The following PCDH15 variants were observed in gnomAD, a reference collection of about 807,000 sequenced individuals.
The protein encoded by PCDH15 is protocadherin-15.
A neutral mutation model predicts 178.5 loss-of-function variants in PCDH15; 129 were observed. That is an observed-to-expected ratio of 0.72 (90% CI 0.63 to 0.84). The LOEUF is 0.84. Among genes scored for constraint, PCDH15 ranks in the 40% least tolerant of loss-of-function variants. PCDH15 has a pLI of 0.00. For synonymous variants in PCDH15, 800 were observed against 732.0 expected, an observed-to-expected ratio of 1.09 and a Z score of -1.50; for missense variants, 2,230 against 2,099.9, an observed-to-expected ratio of 1.06 and a Z score of -1.21.
intron 26 of PCDH15, among the ~76,000 whole-genome samples, chr10:53,869,294 T>A (rs1283888682): frequency 6.6e-6 from 1 of 152,162 alleles, no homozygotes; most frequent in African/African-American, 2.4e-5. Flanking sequence ...AGTATCAAAA[T>A]TTTTTGTACT....
At chr10:54,830,249 A>T (rs1953200579) in intron 3 of PCDH15, among the ~76,000 whole-genome samples, 1 of 152,148 alleles carries the variant, frequency 6.6e-6, no homozygotes, top group African/African-American at 2.4e-5. Context: ...TACCTAAAGG[A>T]TTATAAATCA....
At chr10:55,546,602 C>T (rs908098376) in intron 2 of PCDH15, among the ~76,000 whole-genome samples, 1 of 152,046 alleles carries the variant, frequency 6.6e-6, no homozygotes, top group Non-Finnish European at 1.5e-5. Context: ...AGCAAATAGA[C>T]GATCTGAGTA....
chr10:55,344,380 G>A (rs971564429), intron 2 of PCDH15, among the ~76,000 whole-genome samples: 31 of 151,938 alleles, frequency 2.0e-4, no homozygotes, highest in African/African-American at 7.5e-4. Flanking sequence ...AAATTCATGG[G>A]GTTCAGGGGA....
At chr10:55,263,428 C>G (rs529751348) in intron 1 of PCDH15, among the ~76,000 whole-genome samples, 1 of 152,294 alleles carries the variant, frequency 6.6e-6, no homozygotes, top group African/African-American at 2.4e-5. Context: ...CCAACAGCCG[C>G]AGGCATGCAT....
At chr10:54,939,473 C>A (rs1379847889) in intron 2 of PCDH15, among the ~76,000 whole-genome samples, 2 of 82,806 alleles carry the variant, frequency 2.4e-5, no homozygotes, top group Admixed American at 2.0e-4. Context: ...CCAGTCTGGG[C>A]AATAGAATGA....
chr10:54,172,167 C>T (rs886653080), intron 13 of PCDH15, among the ~76,000 whole-genome samples: 5 of 152,058 alleles, frequency 3.3e-5, no homozygotes, highest in South Asian at 2.1e-4. Flanking sequence ...ATATGCCCTG[C>T]CCCACCTTAA....
At chr10:54,351,077 C>T (rs1434753688) in intron 5 of PCDH15, among the ~76,000 whole-genome samples, 1 of 151,308 alleles carries the variant, frequency 6.6e-6, no homozygotes, top group Non-Finnish European at 1.5e-5. Flanking sequence ...GCACTCCAGC[C>T]TGGGGCGAGA....
intron 2 of PCDH15, among the ~76,000 whole-genome samples, chr10:54,939,044 T>C (rs529405678): frequency 6.6e-6 from 1 of 152,306 alleles, no homozygotes; most frequent in East Asian, 1.9e-4. Flanking sequence ...TACAGAAATG[T>C]AAAACAATAC....
intron 2 of PCDH15, among the ~76,000 whole-genome samples, chr10:55,488,869 C>A (rs1025582832): frequency 6.6e-6 from 1 of 151,218 alleles, no homozygotes; most frequent in Non-Finnish European, 1.5e-5. Flanking sequence ...AAATGTTATC[C>A]AGCAATGCAT....
At chr10:54,161,746 C>T (rs2045734381) in intron 13 of PCDH15, among the ~76,000 whole-genome samples, 1 of 152,100 alleles carries the variant, frequency 6.6e-6, no homozygotes, top group Non-Finnish European at 1.5e-5. Flanking sequence ...GACCTCTCAT[C>T]CATGGATTAT....
At chr10:54,904,999 C>T (rs1447836448) in intron 2 of PCDH15, among the ~76,000 whole-genome samples, 2 of 151,660 alleles carry the variant, frequency 1.3e-5, no homozygotes, top group Non-Finnish European at 2.9e-5. Flanking sequence ...TACCTATTTT[C>T]GTTCTGGCCA....
intron 2 of PCDH15, among the ~76,000 whole-genome samples, chr10:55,146,536 G>A (rs1838517761): frequency 1.3e-5 from 2 of 151,820 alleles, no homozygotes; most frequent in Admixed American, 1.3e-4. Flanking sequence ...CCTATACTCA[G>A]GTTTCTGCTA....
chr10:55,571,919 G>C (rs971955814), intron 2 of PCDH15, among the ~76,000 whole-genome samples: 2 of 152,044 alleles, frequency 1.3e-5, no homozygotes, highest in African/African-American at 4.8e-5. Flanking sequence ...AAGGAACCAA[G>C]AATGACATAA....
intron 18 of PCDH15, among the ~76,000 whole-genome samples, chr10:54,042,144 G>T (rs1361381332): frequency 6.6e-6 from 1 of 152,086 alleles, no homozygotes; most frequent in Non-Finnish European, 1.5e-5. Context: ...ATTTCCCATG[G>T]ATGAAATATT....
intron 8 of PCDH15, among the ~76,000 whole-genome samples, chr10:54,255,369 T>C (rs1182380597): frequency 6.6e-6 from 1 of 152,210 alleles, no homozygotes; most frequent in East Asian, 1.9e-4. Context: ...TACATTATGC[T>C]GACCAGTTCT....
intron 1 of PCDH15, among the ~76,000 whole-genome samples, chr10:54,719,480 T>G (rs1053854566): frequency 1.3e-5 from 2 of 152,126 alleles, no homozygotes; most frequent in Middle Eastern, 3.4e-3. Flanking sequence ...ATTGTCTTTT[T>G]TGTGCAAATG....
chr10:54,656,045 A>G (rs974442504), intron 2 of PCDH15: 3 of 152,218 alleles, frequency 2.0e-5, no homozygotes, highest in Non-Finnish European at 4.4e-5. Flanking sequence ...GGATTTTGCC[A>G]TCTAACGAAA....
chr10:54,177,982 T>G (rs1380690045), intron 13 of PCDH15, among the ~76,000 whole-genome samples: 1 of 152,022 alleles, frequency 6.6e-6, no homozygotes, highest in African/African-American at 2.4e-5. Flanking sequence ...GAGACAAGTA[T>G]ATATAGAGGT....
chr10:55,336,222 G>A (rs1432425507), intron 2 of PCDH15, among the ~76,000 whole-genome samples: 2 of 150,720 alleles, frequency 1.3e-5, no homozygotes, highest in African/African-American at 4.9e-5. Context: ...TCTCTGGGCC[G>A]GGCGCAGTGG....
Sources: allele counts gnomAD v4.1 joint callset (sites outside exome capture counted in the v4.1 genomes callset), GRCh38; gene constraint gnomAD v4.1.1; transcripts MANE v1.5; gene names NCBI Gene and HGNC (gene_info 2026-07-23, HGNC 2026-07-21).